The following IQSEC1 variants were observed in gnomAD, a reference collection of about 807,000 sequenced individuals.
The protein encoded by IQSEC1 is IQ motif and Sec7 domain ArfGEF 1, also known as IQ motif and SEC7 domain-containing protein 1.
Under a neutral mutation model 91.0 loss-of-function variants are expected in IQSEC1, and 31 were observed. That is an observed-to-expected ratio of 0.34 (90% CI 0.26 to 0.46). The LOEUF is 0.46. IQSEC1 is among the 20% of genes least tolerant of loss of function. The probability of loss-of-function intolerance (pLI) is 1.00; values close to 1 mark genes in which losing one functional copy is unlikely to be tolerated. For synonymous variants in IQSEC1, 699 were observed against 662.6 expected (o/e 1.05, Z -0.84); for missense variants, 1,388 against 1,575.6 (o/e 0.88, Z 2.02).
intron 2 of IQSEC1, among the ~76,000 whole-genome samples, chr3:13,091,139 C>G (rs1338727462): frequency 6.6e-6 from 1 of 152,190 alleles, no homozygotes; most frequent in Non-Finnish European, 1.5e-5. Flanking sequence ...TCAGTGGACA[C>G]TCTCTCAGGG....
chr3:12,914,463 A>G (rs1346577874), intron 8 of IQSEC1, among the ~76,000 whole-genome samples: 2 of 152,084 alleles, frequency 1.3e-5, no homozygotes, highest in Non-Finnish European at 1.5e-5. Context: ...GATGAGGGGG[A>G]AAATGTGGCC....
At chr3:12,999,980 C>T (rs1702357895) in intron 1 of IQSEC1, among the ~76,000 whole-genome samples, 2 of 152,208 alleles carry the variant, frequency 1.3e-5, no homozygotes. Context: ...CTAGCATTTG[C>T]CTCCCTGCTT....
intron 1 of IQSEC1, among the ~76,000 whole-genome samples, chr3:13,024,923 A>C (rs891874847): frequency 6.6e-6 from 1 of 152,236 alleles, no homozygotes; most frequent in African/African-American, 2.4e-5. Context: ...ACAGGAATAA[A>C]AAATCTCTGC....
chr3:13,022,208 C>T, intron 1 of IQSEC1: 13 of 1,230,396 alleles, frequency 1.1e-5, no homozygotes, highest in Non-Finnish European at 1.3e-5. Flanking sequence ...TTTTCAGGTC[C>T]CTTCCTTCTT....
intron 1 of IQSEC1, among the ~76,000 whole-genome samples, chr3:13,241,113 T>C (rs1559284383): frequency 6.6e-6 from 1 of 152,162 alleles, no homozygotes. Context: ...ACGCCTCATG[T>C]CCACGGGCCC....
intron 1 of IQSEC1, among the ~76,000 whole-genome samples, chr3:13,244,275 C>T (rs917375408): frequency 2.6e-5 from 4 of 152,206 alleles, no homozygotes; most frequent in Admixed American, 6.5e-5. Context: ...TTACTGCAAC[C>T]TCTGCCTCCC....
chr3:12,961,111 C>G (rs191720980), intron 1 of IQSEC1, among the ~76,000 whole-genome samples: 1 of 152,254 alleles, frequency 6.6e-6, no homozygotes, highest in Non-Finnish European at 1.5e-5. Context: ...AAGGCCACTG[C>G]CCCTGAGGCC....
Position 13,203,536 on chromosome 3 carries a change from G to A in IQSEC1, c.273-39403C>T, listed in dbSNP as rs566331750. On this transcript the variant is annotated intron_variant, in intron 1 of 15. Coordinates refer to the IQSEC1 transcript ENST00000648114. ...CTGCCCCAGGCCCGTGGCAGGAACAGGAGGTCTGCAGGGTGCCCGGGACAC... is the reference window on the plus strand; with the variant it reads ...CTGCCCCAGGCCCGTGGCAGGAACAAGAGGTCTGCAGGGTGCCCGGGACAC... 3.9e-5 allele frequency among the ~76,000 whole-genome samples: 6 copies of A among 152,260 alleles called. No individual in the cohort carries two copies. In the East Asian group the frequency reaches 1.2e-3, roughly 29 times the overall value.
At chr3:13,171,987 C>T (rs768837193) in intron 1 of IQSEC1, among the ~76,000 whole-genome samples, 60 of 152,292 alleles carry the variant, frequency 3.9e-4, no homozygotes, top group Middle Eastern at 3.4e-3. Flanking sequence ...TCCACACTCC[C>T]CCAGGAGCCT....
rs1698039824 is a variant in IQSEC1, at chr3:12,935,010, G to A, written c.1568+438C>T. Among the ~76,000 whole-genome samples, 2 of 151,830 alleles carry A rather than the reference G, an allele frequency of 1.3e-5. No homozygotes were observed. The highest frequency in any genetic ancestry group is 4.8e-5 in the African/African-American group (2 of 41,316). ...CATCCCCCACAAGACACAGCCCTGGGTCTCGCCTGTCTGCCCCTGCCCCCC... is the reference window on the plus strand; with the variant it reads ...CATCCCCCACAAGACACAGCCCTGGATCTCGCCTGTCTGCCCCTGCCCCCC... On this transcript the variant is annotated intron_variant, in intron 3 of 13. Transcript: ENST00000613206. The surrounding 1 kb of genome is among the most constrained non-coding windows in gnomAD (Gnocchi z 8.0).
chr3:13,132,179 C>T lies in IQSEC1; in HGVS notation c.302+31925G>A, dbSNP rs146308019. 2.0e-3 allele frequency among the ~76,000 whole-genome samples: 307 copies of T among 152,304 alleles called. 3 individuals carry two copies. The highest frequency in any genetic ancestry group is 6.8e-3 in the Middle Eastern group (2 of 294). On this transcript the variant is annotated intron_variant, in intron 2 of 15. Coordinates refer to the IQSEC1 transcript ENST00000648114. ...TGAAATTGCATGGAAACTATCTGATCCTTAGCGGCTTGTTTTTAAGCTTGT... is the reference window on the plus strand; with the variant it reads ...TGAAATTGCATGGAAACTATCTGATTCTTAGCGGCTTGTTTTTAAGCTTGT...
upstream of IQSEC1, among the ~76,000 whole-genome samples, chr3:13,076,801 G>A (rs961842268): frequency 1.3e-5 from 2 of 152,132 alleles, no homozygotes; most frequent in African/African-American, 2.4e-5. Flanking sequence ...CTGCACAAAT[G>A]ATAAGAAAAT....
chr3:13,248,372 C>T (rs1260647178), intron 1 of IQSEC1, among the ~76,000 whole-genome samples: 2 of 152,220 alleles, frequency 1.3e-5, no homozygotes, highest in African/African-American at 4.8e-5. Flanking sequence ...TGGCCTCATC[C>T]CCACCTCCCA....
chr3:13,166,882 C>A (rs1420763659), intron 1 of IQSEC1, among the ~76,000 whole-genome samples: 1 of 152,226 alleles, frequency 6.6e-6, no homozygotes, highest in East Asian at 1.9e-4. Flanking sequence ...TCTTTTACAC[C>A]AAGGATGGCA....
At chr3:13,022,385 C>A (rs1703440190) in intron 1 of IQSEC1, 3 of 1,136,512 alleles carry the variant, frequency 2.6e-6, no homozygotes, top group African/African-American at 1.6e-5. Flanking sequence ...GCGGCCCTCA[C>A]ACACTAGACC....
rs1404600103 is a variant in IQSEC1, at chr3:13,008,768, C to T, written c.23+64224G>A. Among the ~76,000 whole-genome samples the T allele has an allele frequency of 6.6e-6, 1 of 152,194 alleles. No individual in the cohort carries two copies. Among genetic ancestry groups the T allele is most frequent in the Admixed American group, 6.5e-5 (1 of 15,280 alleles). On this transcript the variant is annotated intron_variant, in intron 1 of 13. Transcript: ENST00000613206. The surrounding 1 kb of genome is among the most constrained non-coding windows in gnomAD (Gnocchi z 4.1). ...TGGTCGAGTTACTGATAGAACAACG[C>T]TCTTGATCCGGCTCCAGGGCAGAAA...
Position 12,920,518 on chromosome 3 carries a change from G to A in IQSEC1, c.1932C>T (p.Ala644=), listed in dbSNP as rs757587980. ...NPDTIFILAF[A]IILLNTDMYS... is the part of the protein sequence containing the mutation. ...ACATGTCGGTGTTCAGCAGGATGAT[G>A]GCGAAGGCCAGGATGAAAATGGTGT... The change falls in exon 6 of 14, where the codon GCC becomes GCT. Residue 644 remains alanine, a synonymous_variant. Transcript: ENST00000613206. 1.9e-6 allele frequency: 3 copies of A among 1,614,240 alleles called. No homozygotes were observed. Among genetic ancestry groups the A allele is most frequent in the East Asian group, 2.2e-5 (1 of 44,886 alleles).
intron 1 of IQSEC1, among the ~76,000 whole-genome samples, chr3:13,186,376 A>T (rs920622746): frequency 6.6e-6 from 1 of 152,172 alleles, no homozygotes; most frequent in African/African-American, 2.4e-5. Context: ...TATAAACATG[A>T]TCATTACCAG....
In IQSEC1 at chr3:12,936,700, G is replaced by A. The variant is rs1435809835; in HGVS notation, c.319-3C>T. 3 of 1,563,486 alleles carry A rather than the reference G, an allele frequency of 1.9e-6. No individual in the cohort carries two copies. Among genetic ancestry groups the A allele is most frequent in the Admixed American group, 1.9e-5 (1 of 53,386 alleles). On this transcript the variant is annotated splice_polypyrimidine_tract_variant and splice_region_variant and intron_variant, in intron 2 of 13. Coordinates refer to ENST00000613206, the MANE Select transcript of IQSEC1 (RefSeq NM_001134382.3). ...TACTTTCGTTCTAGCATCTCCACCT[G>A]CGGGTGGGAGAGGAGAATGAGAACA...
Sources: gnomAD v4.1 joint callset for allele counts (sites outside exome capture counted in the v4.1 genomes callset) on GRCh38, gnomAD v4.1.1 for gene constraint, Gnocchi (gnomAD v3.1) non-coding constraint, MANE v1.5 for transcripts, NCBI Gene and HGNC (gene_info 2026-07-23, HGNC 2026-07-21) for gene names.